PEX6: variants seen among roughly 807,000 people sequenced by gnomAD.
PEX6 encodes peroxisome biogenesis factor 6.
Under a neutral mutation model 85.6 loss-of-function variants are expected in PEX6, and 55 were observed. The ratio of observed to expected loss-of-function variants is 0.64; its 90% CI spans 0.52 to 0.80. The LOEUF (loss-of-function observed/expected upper bound fraction) is 0.80, where lower values mean the gene tolerates loss of function less well. Ranked by LOEUF, PEX6 falls within the 30% of genes least tolerant of loss-of-function variation. The pLI is 0.00. For synonymous variants in PEX6, 519 were observed against 549.1 expected (o/e 0.95, Z 0.77); for missense variants, 1,099 against 1,260.3 (o/e 0.87, Z 1.94).
At chr6:42,969,631 G>C in intron 5 of PEX6, 37 bp downstream of exon 5, 1 of 1,611,724 alleles carries the variant, frequency 6.2e-7, no homozygotes. Flanking sequence ...GTTCTAAGCA[G>C]GCTTTTCTCA....
rs1260463678 is a variant in PEX6, at chr6:42,971,691, C to T, written c.1131-1704G>A. On this transcript the variant is annotated intron_variant, in intron 3 of 16. Transcript: ENST00000304611. This position sits in a 1 kb window ranked among gnomAD's most constrained non-coding sequence, Gnocchi z 4.4. ...ATCTGTCCTTGGACCCATTGGGCCA[C>T]TTACTCCAACCCTGCTTTCCTTGCG... is the stretch of plus-strand genomic sequence containing the variant. Among the ~76,000 whole-genome samples the T allele has an allele frequency of 6.6e-6, 1 of 152,250 alleles. No homozygotes were observed.
rs762156929 is a variant in PEX6 at position 42,973,954 on chromosome 6, T to C, written c.1130+49A>G. Reference sequence around the variant, plus strand: ...TGCAGGGAGGGGATTGTAGAACTCATGCACCCAGGTTACAAATCCCAGCTG... The same window carrying C: ...TGCAGGGAGGGGATTGTAGAACTCACGCACCCAGGTTACAAATCCCAGCTG... On this transcript the variant is annotated intron_variant, in intron 3 of 16. Transcript: ENST00000304611. 7.9e-7 allele frequency: 1 copy of C among 1,258,648 alleles called. No individual in the cohort carries two copies. The highest frequency in any genetic ancestry group is 1.2e-5 in the South Asian group (1 of 84,026). 78.0% of individuals were successfully genotyped at this position (1,258,648 alleles called of 1,614,324 possible).
chr6:42,975,115 T>A, intron 1 of PEX6, 77 bp from the exon 2 acceptor site: 2 of 1,207,322 alleles, frequency 1.7e-6, no homozygotes, highest in South Asian at 2.4e-5. Flanking sequence ...GCAGCCAACA[T>A]GTCTATTTCC....
At chr6:42,974,456 T>G (rs200172374) in intron 2 of PEX6, among the ~76,000 whole-genome samples, 13 of 121,598 alleles carry the variant, frequency 1.1e-4, no homozygotes, top group South Asian at 2.6e-4. Flanking sequence ...TTTTTGTTTT[T>G]TTTTTTTTTT....
rs1769962151 is a variant in PEX6 at position 42,969,123 on chromosome 6, T to C, written c.1368-138A>G. The C allele has an allele frequency of 1.2e-5, 8 of 678,298 alleles. No homozygotes were observed. The Admixed American group carries it at 1.5e-4, about 12-fold the overall frequency. 42.0% of individuals were successfully genotyped at this position (678,298 alleles called of 1,614,324 possible). ...AGCCTCCCTGACCCCAGGACAGGGC[T>C]GTCCCCATGTAGTGAGGCTGTGTCT... On this transcript the variant is annotated intron_variant, in intron 5 of 16. Transcript: ENST00000304611.
In PEX6 at chr6:42,975,014, G is replaced by A. The variant is rs1561827973; in HGVS notation, c.907C>T (p.Pro303Ser). The part of the protein sequence containing the change: ...IQRYLEGSIA[P>S]EDKGSCSLLP... ...AATGAGCAGCTTCCTTTGTCTTCAG[G>A]GGCGATGGAGCCTTCCAAGTACCTC... The change falls in exon 2 of 17, where the codon CCT becomes TCT. Residue 303 changes from proline to serine, a missense_variant. This residue lies in a region of PEX6 where 579 missense variants were observed against 611.6 expected (regional missense o/e 0.95). Transcript: ENST00000304611. 6.2e-7 allele frequency: 1 copy of A among 1,613,130 alleles called. No individual in the cohort carries two copies. The highest frequency in any genetic ancestry group is 1.1e-5 in the South Asian group (1 of 91,040).
At position 42,979,006 on chromosome 6, in the gene PEX6, C is replaced by T; in HGVS notation, c.145G>A (p.Gly49Arg). ...ALRPAGESPA[G>R]PALLVAALEG... Reference sequence around the variant, plus strand: ...AGGGCTGCCACCAGCAGCGCCGGCCCTGCCGGGCTCTCCCCTGCAGGCCTC... The same window carrying T: ...AGGGCTGCCACCAGCAGCGCCGGCCTTGCCGGGCTCTCCCCTGCAGGCCTC... The change falls in exon 1 of 17, where the codon GGG becomes AGG. Residue 49 changes from glycine to arginine, a missense_variant. Coordinates refer to ENST00000304611, the MANE Select transcript of PEX6 (RefSeq NM_000287.4). 1 of 1,517,140 alleles carries T rather than the reference C, an allele frequency of 6.6e-7. No individual in the cohort carries two copies. Among genetic ancestry groups the T allele is most frequent in the Non-Finnish European group, 8.8e-7 (1 of 1,139,678 alleles). The allele number at this position is 1,517,140 out of a possible 1,614,324, so 94.0% of individuals were successfully genotyped here.
chr6:42,967,814 C>T (rs1769896615), intron 7 of PEX6, among the ~76,000 whole-genome samples: 2 of 152,178 alleles, frequency 1.3e-5, no homozygotes, highest in South Asian at 4.2e-4. Flanking sequence ...CTCTGGATCC[C>T]TCTAAAGACA....
rs771903360 is a variant in PEX6 at position 42,968,884 on chromosome 6, TG to T, written c.1468del (p.His490ThrfsTer3). 6.2e-7 allele frequency: 1 copy of T among 1,612,870 alleles called. No homozygotes were observed. The highest frequency in any genetic ancestry group is 1.1e-5 in the South Asian group (1 of 91,064). The part of the protein sequence containing the change: ...VAAACSHLGL[H>X]LLKVPCSSLC... ...TCCAGAGACCCTCACCTTCAGTAAG[TG>T]GAGCCCAAGGTGACTACAGGCAGCA... On this transcript the variant is annotated frameshift_variant, in exon 6 of 17. Coordinates refer to ENST00000304611, the MANE Select transcript of PEX6 (RefSeq NM_000287.4). LOFTEE classifies it high-confidence loss of function.
chr6:42,964,899 T>C lies in PEX6; in HGVS notation c.2697A>G (p.Val899=), dbSNP rs892510772. The change falls in exon 16 of 17, where the codon GTA becomes GTG. Residue 899 remains valine (V), a synonymous_variant. Transcript: ENST00000304611. The surrounding 1 kb of genome is among the most constrained non-coding windows in gnomAD (Gnocchi z 4.6). Reference sequence around the variant, plus strand: ...GGGGAGGGCAGCAATCTAGCACGTTTACCAGGCTCACAGATGGCTCTAGCT... The same window carrying C: ...GGGGAGGGCAGCAATCTAGCACGTTCACCAGGCTCACAGATGGCTCTAGCT... ...KFKLEPSVSL[V]NVLDCCPPQL... 6.2e-7 allele frequency: 1 copy of C among 1,614,192 alleles called. No homozygotes were observed. Among genetic ancestry groups the C allele is most frequent in the Non-Finnish European group, 8.5e-7 (1 of 1,180,028 alleles).
Position 42,966,517 on chromosome 6 carries a change from G to T in PEX6, c.2094+8C>A. ...CTCCTGTCCCACCTCCAAGGACTTG[G>T]TCTCCACCTTGGGGGCTCCAACGGC... On this transcript the variant is annotated splice_region_variant and intron_variant, in intron 10 of 16. Coordinates refer to ENST00000304611, the MANE Select transcript of PEX6 (RefSeq NM_000287.4). 2 of 1,614,136 alleles carry T rather than the reference G, an allele frequency of 1.2e-6. No homozygotes were observed. Among genetic ancestry groups the T allele is most frequent in the South Asian group, 1.1e-5 (1 of 91,086 alleles).
rs1299735750 is a variant in PEX6 at position 42,974,442 on chromosome 6, GTTTTTTTTGTTTT to G, written c.1047-369_1047-357del. Among the ~76,000 whole-genome samples the G allele has an allele frequency of 3.0e-4, 35 of 115,978 alleles. 1 individual carries two copies. Among genetic ancestry groups the G allele is most frequent in the African/African-American group, 1.1e-3 (33 of 29,142 alleles). 76.1% of individuals were successfully genotyped at this position (115,978 alleles called of 152,430 possible). A position where few individuals can be genotyped will look rare whatever the true frequency, so the allele number is the denominator to read the frequency against. On this transcript the variant is annotated intron_variant, in intron 2 of 16. Transcript: ENST00000304611. ...GCGCCTACCACAATCTGTCTGAAAT[GTTTTTTTTGTTTT>G]TTTTTTTTTTTTTTTTTTTTGAGAC...
rs1396207688 is a variant in PEX6, at chr6:42,966,553, G to A, written c.2066C>T (p.Ala689Val). 1.2e-6 allele frequency: 2 copies of A among 1,614,090 alleles called. No homozygotes were observed. The highest frequency in any genetic ancestry group is 2.7e-5 in the African/African-American group (2 of 74,920). ...GGGGGCTCCAACGGCCTGGGAGTGA[G>A]CTGTCTGCAGTTGCTCCAGTGCCTG... ...FGQALEQLQT[A>V]HSQAVGAPKI... The change falls in exon 10 of 17, where the codon GCT becomes GTT. Residue 689 changes from alanine to valine, a missense_variant. By Grantham distance (64) the Ala-to-Val change is moderately conservative. Coordinates refer to ENST00000304611, the MANE Select transcript of PEX6 (RefSeq NM_000287.4).
At chr6:42,967,948 T>C (rs867327599) in intron 7 of PEX6, among the ~76,000 whole-genome samples, 467 of 45,824 alleles carry the variant, frequency 0.01, 6 homozygotes, top group African/African-American at 0.03. Flanking sequence ...CCGCTCCCCC[T>C]TTTTTTTTTT....
rs756846884 is a variant in PEX6, at chr6:42,978,265, C to A, written c.882+4G>T. The A allele has an allele frequency of 3.7e-6, 6 of 1,614,148 alleles. No individual in the cohort carries two copies. Among genetic ancestry groups the A allele is most frequent in the Non-Finnish European group, 4.2e-6 (5 of 1,179,998 alleles). ...GCACTCCTGACCCCAGTCCTTTATC[C>A]TACCTGAATTCTGAGCTCTCCCATT... On this transcript the variant is annotated splice_donor_region_variant and intron_variant, in intron 1 of 16. Transcript: ENST00000304611.
At chr6:42,969,135 G>C in intron 5 of PEX6, 150 bp from the exon 6 acceptor site, 1 of 660,550 alleles carries the variant, frequency 1.5e-6, no homozygotes, top group Non-Finnish European at 2.8e-6. Context: ...TCCCCATGTA[G>C]TGAGGCTGTG....
rs1225547255 is a variant in PEX6 at position 42,978,958 on chromosome 6, C to G, written c.193G>C (p.Glu65Gln). Residue 65 changes from glutamate to glutamine, a missense_variant, in exon 1 of 17, where the codon GAA (glutamate) becomes CAA (glutamine). Glu to Gln is a conservative substitution (Grantham distance 29, BLOSUM62 2). This residue lies in a region of PEX6 where 579 missense variants were observed against 611.6 expected (regional missense o/e 0.95). Coordinates refer to ENST00000304611, the MANE Select transcript of PEX6 (RefSeq NM_000287.4). ...TGCGGCGGCCCGGGACCCTGCTCTTCGGTGCCCGCGTCCGGCCCCTCCAGG... is the reference window on the plus strand; with the variant it reads ...TGCGGCGGCCCGGGACCCTGCTCTTGGGTGCCCGCGTCCGGCCCCTCCAGG... ...AALEGPDAGT[E>Q]EQGPGPPQLL... 1 of 1,497,006 alleles carries G rather than the reference C, an allele frequency of 6.7e-7. No homozygotes were observed. The highest frequency in any genetic ancestry group is 1.5e-5 in the African/African-American group (1 of 68,690). 92.7% of individuals were successfully genotyped at this position (1,497,006 alleles called of 1,614,324 possible).
chr6:42,968,422 C>T lies in PEX6; in HGVS notation c.1556G>A (p.Arg519His), dbSNP rs368356719. 9.9e-6 allele frequency: 16 copies of T among 1,613,044 alleles called. No individual in the cohort carries two copies. Among genetic ancestry groups the T allele is most frequent in the South Asian group, 3.3e-5 (3 of 90,968 alleles). The change falls in exon 7 of 17, where the codon CGC becomes CAC. Residue 519 changes from arginine to histidine, a missense_variant. Arg to His is a conservative substitution (Grantham distance 29). Around this residue, in one of 3 missense-constraint regions of PEX6, gnomAD observed 514 missense variants for 627.0 expected, o/e 0.82. Transcript: ENST00000304611. ...CAACAGGACTGCAGGCCGGCAACGG[C>T]GGGCCCGGGAGAAGATGGCCTGCAG... ...TKLQAIFSRARRCRPAVLLLT... is the reference protein window; with the variant it reads ...TKLQAIFSRAHRCRPAVLLLT...
intron 5 of PEX6, among the ~76,000 whole-genome samples, chr6:42,969,369 G>A (rs1769974521): frequency 6.6e-6 from 1 of 152,220 alleles, no homozygotes; most frequent in African/African-American, 2.4e-5. Flanking sequence ...GGGCAGTAAA[G>A]TGCAGGATGG....
Sources: allele counts gnomAD v4.1 joint callset (sites outside exome capture counted in the v4.1 genomes callset), GRCh38; gene constraint gnomAD v4.1.1; regional missense constraint gnomAD v4.1.1; non-coding constraint Gnocchi (gnomAD v3.1); transcripts MANE v1.5; gene names NCBI Gene and HGNC (gene_info 2026-07-23, HGNC 2026-07-21).